Variants in NISCH observed in about 807,000 individuals in gnomAD.
The protein encoded by NISCH is I-1 receptor candidate protein.
A neutral mutation model predicts 138.4 loss-of-function variants in NISCH; 55 were observed. The ratio of observed to expected loss-of-function variants is 0.40; its 90% CI spans 0.32 to 0.50. The LOEUF is 0.50. NISCH is among the 20% of genes least tolerant of loss of function. The pLI is 0.71. For missense variants in NISCH, 1,643 were observed against 2,005.5 expected (o/e 0.82, Z 3.45); for synonymous variants, 860 against 861.5 (o/e 1.00, Z 0.03).
In NISCH at chr3:52,457,914, C is replaced by G. The variant is rs1324666935; in HGVS notation, c.165C>G (p.Asp55Glu). Residue 55 changes from aspartate to glutamate, a missense_variant, in exon 2 of 21, where the codon GAC becomes GAG. By Grantham distance (45) the Asp-to-Glu change is conservative (BLOSUM62 2). Transcript: ENST00000345716. Reference sequence around the variant, plus strand: ...AGCACCGCTACAGCGACTTCCATGACCTGCATGAAAAGGTAACTGTTAAGA... The same window carrying G: ...AGCACCGCTACAGCGACTTCCATGAGCTGCATGAAAAGGTAACTGTTAAGA... ...TVKHRYSDFH[D>E]LHEKLVAERK... 6.2e-7 allele frequency: 1 copy of G among 1,607,436 alleles called. No homozygotes were observed. The highest frequency in any genetic ancestry group is 2.2e-5 in the East Asian group (1 of 44,660).
At chr3:52,481,496 G>T in intron 13 of NISCH, 4 of 985,490 alleles carry the variant, frequency 4.1e-6, no homozygotes, top group Non-Finnish European at 4.8e-6. Flanking sequence ...TTATATCACG[G>T]TGAGAAAGCT....
At position 52,488,040 on chromosome 3, in the gene NISCH, G is replaced by T; in HGVS notation, c.2548G>T (p.Glu850Ter). 2 of 1,612,622 alleles carry T rather than the reference G, an allele frequency of 1.2e-6. No homozygotes were observed. Among genetic ancestry groups the T allele is most frequent in the Non-Finnish European group, 8.5e-7 (1 of 1,179,886 alleles). The change falls in exon 16 of 21, where the codon GAG (glutamate) becomes TAG (stop). Residue 850 changes from glutamate (E) to a stop codon, truncating the protein, a stop_gained. Coordinates refer to ENST00000345716, the MANE Select transcript of NISCH (RefSeq NM_007184.4). LOFTEE classifies it high-confidence loss of function. ...TFYKVAGGCQ[E>*]RSQGCFPVYL... ...CTACAAGGTGGCTGGCGGCTGCCAG[G>T]AGCGCAGCCAGGGCTGCTTCCCCGT...
At chr3:52,482,043 G>GTCTATCTGCTCCCGTCCT in intron 13 of NISCH, 2 of 438,942 alleles carry the variant, frequency 4.6e-6, no homozygotes, top group South Asian at 9.6e-5. Flanking sequence ...GGTCCAGGAC[G>GTCTATCTGCTCCCGTCCT]GGAGCAGATA....
At chr3:52,473,904 G>A (rs1707020867) in intron 7 of NISCH, 75 bp downstream of exon 7, 4 of 929,156 alleles carry the variant, frequency 4.3e-6, no homozygotes, top group East Asian at 2.7e-5. Context: ...CACCACTAAG[G>A]ATGGGTGAGG....
At position 52,473,750 on chromosome 3, in the gene NISCH, C is replaced by T; in HGVS notation, c.686C>T (p.Ala229Val). 1.9e-6 allele frequency: 3 copies of T among 1,603,096 alleles called. No individual in the cohort carries two copies. The highest frequency in any genetic ancestry group is 1.7e-5 in the Admixed American group (1 of 59,874). The change falls in exon 7 of 21, where the codon GCT (alanine) becomes GTT (valine). Residue 229 changes from alanine to valine, a missense_variant. Physicochemically the swap from Ala to Val is moderately conservative, Grantham distance 64. Coordinates refer to ENST00000345716, the MANE Select transcript of NISCH (RefSeq NM_007184.4). ...TTGTTCCAGATAAGTCACTGTGATG[C>T]TAAGCACATCAGAGGGCTGGTCGCA... ...LHQVEISHCD[A>V]KHIRGLVASK...
Position 52,492,311 on chromosome 3 carries a change from G to A in NISCH, c.4344G>A (p.Leu1448=). The A allele has an allele frequency of 6.2e-7, 1 of 1,613,424 alleles. No individual in the cohort carries two copies. The highest frequency in any genetic ancestry group is 1.6e-4 in the Middle Eastern group (1 of 6,062). ...QGHDLMGSVT[L]DHFGEVPGGP... ...ATGACCTCATGGGCAGTGTCACCCT[G>A]GACCACTTTGGGGAGGTGCCAGGTG... The change falls in exon 21 of 21, where the codon CTG becomes CTA. Residue 1448 remains leucine (L), a synonymous_variant. Transcript: ENST00000345716.
At chr3:52,466,869 C>T (rs1332880326) in intron 3 of NISCH, among the ~76,000 whole-genome samples, 6 of 152,146 alleles carry the variant, frequency 3.9e-5, no homozygotes, top group African/African-American at 1.4e-4. Context: ...AACCTTTGCC[C>T]ACGGCTACAC....
chr3:52,464,340 A>G (rs993579992), intron 3 of NISCH, among the ~76,000 whole-genome samples: 1 of 151,996 alleles, frequency 6.6e-6, no homozygotes. Context: ...GAAGATTGCA[A>G]TGAGTGAGAC....
chr3:52,471,511 C>T (rs2153231065), intron 4 of NISCH: 1 of 503,396 alleles, frequency 2.0e-6, no homozygotes, highest in Admixed American at 3.7e-5. Flanking sequence ...GAATGCTGTC[C>T]CTCTCCGCAG....
chr3:52,484,707 A>C, intron 14 of NISCH, 70 bp downstream of exon 14: 2 of 1,582,248 alleles, frequency 1.3e-6, no homozygotes, highest in Non-Finnish European at 1.7e-6. Context: ...GGTTGTGTGC[A>C]GTAGGAAGTG....
At chr3:52,482,430 G>T (rs997780474) in intron 13 of NISCH, among the ~76,000 whole-genome samples, 4 of 152,214 alleles carry the variant, frequency 2.6e-5, no homozygotes, top group Non-Finnish European at 5.9e-5. Context: ...AGGCCCAGGG[G>T]CTGAGAGGAG....
Position 52,491,405 on chromosome 3 carries a change from C to T in NISCH, c.3796C>T (p.His1266Tyr), listed in dbSNP as rs976826270. The T allele has an allele frequency of 5.6e-6, 9 of 1,613,330 alleles. No individual in the cohort carries two copies. The highest frequency in any genetic ancestry group is 7.6e-6 in the Non-Finnish European group (9 of 1,179,958). The change falls in exon 20 of 21, where the codon CAC becomes TAC. Residue 1266 changes from histidine (H) to tyrosine (Y), a missense_variant. By Grantham distance (83) the His-to-Tyr change is moderately conservative. Coordinates refer to ENST00000345716, the MANE Select transcript of NISCH (RefSeq NM_007184.4). The part of the protein sequence containing the change: ...TCLTRDSYLT[H>Y]CFLQHLMVVL... ...CTTGACGCGGGACAGCTACCTGACG[C>T]ACTGCTTCCTCCAGCACCTCATGGT...
chr3:52,457,340 C>A (rs1259824831), intron 1 of NISCH, among the ~76,000 whole-genome samples: 1 of 152,188 alleles, frequency 6.6e-6, no homozygotes, highest in Non-Finnish European at 1.5e-5. Flanking sequence ...GAAATCACAG[C>A]CATGAACCAG....
rs142102492 is a variant in NISCH, at chr3:52,488,653, A to ATG, written c.3113+55_3113+56dup. ...GGGGCCCCGGGGGCATGGGTCTGGC[A>ATG]TGTGTGTGATCTCAGCATCTGCGGC... is the stretch of plus-strand genomic sequence containing the variant. On this transcript the variant is annotated intron_variant, in intron 16 of 20. Coordinates refer to ENST00000345716, the MANE Select transcript of NISCH (RefSeq NM_007184.4). 2,898 of 1,448,764 alleles carry ATG rather than the reference A, an allele frequency of 2.0e-3. 51 individuals carry two copies. The African/African-American group carries it at 0.037, about 19-fold the overall frequency. 89.7% of individuals were successfully genotyped at this position (1,448,764 alleles called of 1,614,324 possible).
Position 52,478,244 on chromosome 3 carries a change from C to T in NISCH, c.1135C>T (p.Leu379=), listed in dbSNP as rs769623574. Reference sequence around the variant, plus strand: ...GAGTGGCCTGCACAAGCTCTACTCACTGGTCAACCTGGATCTCCGGGACAA... The same window carrying T: ...GAGTGGCCTGCACAAGCTCTACTCATTGGTCAACCTGGATCTCCGGGACAA... ...SLSGLHKLYS[L]VNLDLRDNRI... is the part of the protein sequence containing the mutation. The change falls in exon 10 of 21, where the codon CTG becomes TTG. Residue 379 remains leucine (L), a synonymous_variant. Coordinates refer to ENST00000345716, the MANE Select transcript of NISCH (RefSeq NM_007184.4). 1.2e-6 allele frequency: 2 copies of T among 1,614,160 alleles called. No homozygotes were observed. The highest frequency in any genetic ancestry group is 1.7e-6 in the Non-Finnish European group (2 of 1,179,988).
Position 52,492,496 on chromosome 3 carries a change from C to T in NISCH, c.*14C>T. 6.3e-7 allele frequency: 1 copy of T among 1,577,718 alleles called. No homozygotes were observed. The highest frequency in any genetic ancestry group is 8.6e-7 in the Non-Finnish European group (1 of 1,162,070). On this transcript the variant is annotated 3_prime_UTR_variant, in exon 21 of 21. Coordinates refer to ENST00000345716, the MANE Select transcript of NISCH (RefSeq NM_007184.4). ...CTCACCGGCTAGCCCAGGCCACAGC[C>T]AGCCTGTCGTGTCCAGCCTGACGCC...
intron 13 of NISCH, among the ~76,000 whole-genome samples, chr3:52,483,955 G>A (rs1014896458): frequency 7.9e-5 from 12 of 152,246 alleles, no homozygotes; most frequent in Non-Finnish European, 5.9e-5. Flanking sequence ...CAGAAGTTGA[G>A]AGGCAACACT....
intron 13 of NISCH, chr3:52,480,553 G>A (rs985352707): frequency 6.8e-7 from 1 of 1,461,394 alleles, no homozygotes; most frequent in Non-Finnish European, 9.0e-7. Flanking sequence ...AGACCGCAGG[G>A]TGTCTGACAG....
At position 52,477,458 on chromosome 3, in the gene NISCH, C is replaced by G. The variant is rs1002217188; in HGVS notation, c.919-116C>G. 8.7e-6 allele frequency: 7 copies of G among 805,620 alleles called. No homozygotes were observed. The African/African-American group carries it at 1.2e-4, about 13-fold the overall frequency. The allele number at this position is 805,620 out of a possible 1,614,324, so 49.9% of individuals were successfully genotyped here. On this transcript the variant is annotated intron_variant, in intron 8 of 20. Transcript: ENST00000345716. The stretch of plus-strand genomic sequence containing the variant: ...CCCACCAGTGGTCCTGCAGGGACGG[C>G]CCGTGGGAGTCCATGGTCGGGAGGA...
Sources: gnomAD v4.1 joint callset for allele counts (sites outside exome capture counted in the v4.1 genomes callset) on GRCh38, gnomAD v4.1.1 for gene constraint, MANE v1.5 for transcripts, NCBI Gene and HGNC (gene_info 2026-07-23, HGNC 2026-07-21) for gene names.